AFF4: variants seen among roughly 807,000 people sequenced by gnomAD.
AFF4 encodes AF4/FMR2 family member 4.
AFF4 carries 13 observed loss-of-function variants against 124.8 expected under a neutral mutation model. The observed-to-expected ratio is 0.10, with a 90% CI of 0.07 to 0.17. The LOEUF is 0.17. AFF4 is among the 10% of genes least tolerant of loss of function. AFF4 has a pLI of 1.00. For missense variants in AFF4, 1,092 were observed against 1,403.8 expected (o/e 0.78, Z 3.55); for synonymous variants, 477 against 496.1 (o/e 0.96, Z 0.51).
intron 5 of AFF4, among the ~76,000 whole-genome samples, chr5:132,915,255 G>C (rs1760881938): frequency 6.6e-6 from 1 of 151,706 alleles, no homozygotes; most frequent in Non-Finnish European, 1.5e-5. Flanking sequence ...GCAGGAGAAT[G>C]GCATGAACCC....
intron 5 of AFF4, among the ~76,000 whole-genome samples, chr5:132,923,610 G>C (rs1259430859): frequency 6.6e-6 from 1 of 152,064 alleles, no homozygotes; most frequent in African/African-American, 2.4e-5. Context: ...GTAGTGCGTG[G>C]TAGTCAAGAG....
At chr5:132,957,002 A>G (rs1460891110) in intron 1 of AFF4, among the ~76,000 whole-genome samples, 1 of 111,464 alleles carries the variant, frequency 9.0e-6, no homozygotes, top group Non-Finnish European at 1.7e-5. Context: ...CCTGGGTGAC[A>G]GTGTGAGACT....
chr5:132,937,495 G>C (rs1048479844), intron 1 of AFF4, among the ~76,000 whole-genome samples: 2 of 152,174 alleles, frequency 1.3e-5, no homozygotes, highest in Non-Finnish European at 2.9e-5. Context: ...TACATTCAGA[G>C]GGAACGTAGT....
At chr5:132,884,299 A>G (rs13184579) in intron 19 of AFF4, among the ~76,000 whole-genome samples, 97,228 of 152,060 alleles carry the variant, frequency 0.64, 31,579 homozygotes, top group South Asian at 0.79. Flanking sequence ...GTGCAGTGGC[A>G]TGACCTCGAC....
chr5:132,959,436 T>C (rs563628085), intron 1 of AFF4, among the ~76,000 whole-genome samples: 1 of 152,094 alleles, frequency 6.6e-6, no homozygotes, highest in African/African-American at 2.4e-5. Flanking sequence ...CAGATTTTTT[T>C]AAATAAAGAA....
At chr5:132,881,910 C>T (rs1283756607) in intron 20 of AFF4, among the ~76,000 whole-genome samples, 1 of 151,366 alleles carries the variant, frequency 6.6e-6, no homozygotes, top group Admixed American at 6.6e-5. Flanking sequence ...GGGTGATCCA[C>T]TCGCCTTGGC....
At chr5:132,885,180 T>A in intron 18 of AFF4, 61 bp from the exon 19 acceptor site, 1 of 1,292,732 alleles carries the variant, frequency 7.7e-7, no homozygotes, top group African/African-American at 1.5e-5. Flanking sequence ...TAAGAAGTTC[T>A]AAATATATTT....
intron 12 of AFF4, 62 bp from the exon 13 acceptor site, chr5:132,892,466 C>T: frequency 6.5e-7 from 1 of 1,532,094 alleles, no homozygotes; most frequent in African/African-American, 1.4e-5. Flanking sequence ...ATTGATTTTT[C>T]CATTTCTCTT....
At chr5:132,959,757 CTTTTTTTT>C (rs1163731664) in intron 1 of AFF4, among the ~76,000 whole-genome samples, 11 of 71,514 alleles carry the variant, frequency 1.5e-4, no homozygotes, top group South Asian at 5.5e-4. Context: ...GAGTGCTTTT[CTTTTTTTT>C]TTTTTTTTTT....
chr5:132,909,761 T>C (rs1760751926), intron 5 of AFF4, among the ~76,000 whole-genome samples: 1 of 152,248 alleles, frequency 6.6e-6, no homozygotes, highest in Non-Finnish European at 1.5e-5. Context: ...TTCAACATCA[T>C]TGTTCCAACA....
intron 2 of AFF4, among the ~76,000 whole-genome samples, chr5:132,935,404 T>C (rs1761401174): frequency 6.6e-6 from 1 of 152,212 alleles, no homozygotes; most frequent in South Asian, 2.1e-4. Flanking sequence ...GACGGACAGA[T>C]CACCTGATGT....
intron 1 of AFF4, among the ~76,000 whole-genome samples, chr5:132,955,189 C>T (rs953733893): frequency 6.6e-6 from 1 of 152,182 alleles, no homozygotes; most frequent in African/African-American, 2.4e-5. Context: ...TCTCCTCTGC[C>T]ATACCACTCT....
chr5:132,948,297 C>T (rs1761748957), intron 1 of AFF4, among the ~76,000 whole-genome samples: 1 of 152,128 alleles, frequency 6.6e-6, no homozygotes, highest in African/African-American at 2.4e-5. Context: ...GATCCGCCCA[C>T]CTCAGCCTCC....
chr5:132,905,159 A>G (rs145415859), intron 5 of AFF4, among the ~76,000 whole-genome samples: 180 of 152,214 alleles, frequency 1.2e-3, no homozygotes, highest in African/African-American at 3.9e-3. Flanking sequence ...TTTTATATAC[A>G]TTAGCAACGT....
At chr5:132,892,143 C>T (rs1172610293) in intron 13 of AFF4, 21 bp downstream of exon 13, 1 of 1,614,060 alleles carries the variant, frequency 6.2e-7, no homozygotes, top group Non-Finnish European at 8.5e-7. Flanking sequence ...TTTCAAAAGC[C>T]CCAGGCCCCC....
chr5:132,959,127 A>ATT lies in AFF4; in HGVS notation c.-5+4130_-5+4131dup, dbSNP rs70974064. ...TGTCAGAACATTCCTCAGGTTACAG[A>ATT]TTTTTTTTTTTTTTTTTGAGATAGA... On this transcript the variant is annotated intron_variant, in intron 1 of 20. Coordinates refer to ENST00000265343, the MANE Select transcript of AFF4 (RefSeq NM_014423.4). 6.2e-3 allele frequency among the ~76,000 whole-genome samples: 888 copies of ATT among 143,238 alleles called. 8 individuals carry two copies. The highest frequency in any genetic ancestry group is 9.5e-3 in the Non-Finnish European group (625 of 65,518). 94.0% of individuals were successfully genotyped at this position (143,238 alleles called of 152,430 possible).
rs1344610949 is a variant in AFF4, at chr5:132,934,719, T to C, written c.346A>G (p.Ser116Gly). The C allele has an allele frequency of 1.2e-5, 19 of 1,614,032 alleles. No homozygotes were observed. The highest frequency in any genetic ancestry group is 1.5e-5 in the Non-Finnish European group (18 of 1,180,030). ...SKWTPVGPAP[S>G]TSQSQKRSSG... The stretch of plus-strand genomic sequence containing the variant: ...GACCGTTTCTGAGACTGAGAAGTGC[T>C]GGGTGCGGGTCCTACTGGAGTCCAT... Residue 116 changes from serine to glycine, a missense_variant, in exon 3 of 21, where the codon AGC (serine) becomes GGC (glycine). Transcript: ENST00000265343.
At chr5:132,908,873 C>T (rs1240989162) in intron 5 of AFF4, among the ~76,000 whole-genome samples, 3 of 149,884 alleles carry the variant, frequency 2.0e-5, no homozygotes, top group Non-Finnish European at 4.4e-5. Context: ...CAGGTTCAAG[C>T]GATTCTCCTG....
intron 1 of AFF4, among the ~76,000 whole-genome samples, chr5:132,955,412 G>GA (rs1415754533): frequency 7.2e-5 from 11 of 152,120 alleles, no homozygotes; most frequent in Non-Finnish European, 8.8e-5. Flanking sequence ...ATCACTATGA[G>GA]AATCTGATCT....
Sources: gnomAD v4.1 joint callset for allele counts (sites outside exome capture counted in the v4.1 genomes callset) on GRCh38, gnomAD v4.1.1 for gene constraint, MANE v1.5 for transcripts, NCBI Gene and HGNC (gene_info 2026-07-23, HGNC 2026-07-21) for gene names.